The following PARD3B variants were observed in gnomAD, a reference collection of about 807,000 sequenced individuals.
PARD3B encodes partitioning defective 3 homolog B.
In PARD3B, 103 loss-of-function variants were observed where a neutral mutation model predicts 130.2. The ratio of observed to expected loss-of-function variants is 0.79; its 90% CI spans 0.67 to 0.93. The LOEUF is 0.93. Ranked by LOEUF, PARD3B falls within the 40% of genes least tolerant of loss-of-function variation. The pLI, the probability that PARD3B is intolerant of heterozygous loss-of-function variation, is 0.00. For synonymous variants in PARD3B, 583 were observed against 553.2 expected (o/e 1.05, Z -0.76); for missense variants, 1,609 against 1,499.2 (o/e 1.07, Z -1.21).
chr2:205,123,266 C>G (rs978553795), intron 8 of PARD3B, among the ~76,000 whole-genome samples: 29 of 152,090 alleles, frequency 1.9e-4, no homozygotes, highest in Admixed American at 6.5e-5. Flanking sequence ...GTTTTTCAGC[C>G]AGAGCAAGTT....
At chr2:204,956,031 A>G (rs1370362166) in intron 2 of PARD3B, among the ~76,000 whole-genome samples, 1 of 152,148 alleles carries the variant, frequency 6.6e-6, no homozygotes, top group Non-Finnish European at 1.5e-5. Flanking sequence ...CACTTTGGCA[A>G]TAGTGTTATG....
At chr2:204,588,723 G>A (rs377368736) in intron 1 of PARD3B, among the ~76,000 whole-genome samples, 46 of 152,240 alleles carry the variant, frequency 3.0e-4, no homozygotes, top group East Asian at 9.6e-4. Context: ...TCAGAAAAAT[G>A]TATTCCCCAC....
rs2054129932 is a variant in PARD3B at position 205,584,681 on chromosome 2, A to G, written c.3261-30775A>G. 6.6e-6 allele frequency among the ~76,000 whole-genome samples: 1 copy of G among 152,108 alleles called. No individual in the cohort carries two copies. Among genetic ancestry groups the G allele is most frequent in the Non-Finnish European group, 1.5e-5 (1 of 68,008 alleles). The stretch of plus-strand genomic sequence containing the variant: ...CAACAGAGCAAAACTCCATCTCAAA[A>G]ATAAATAAATAAAAATAAATAAATA... On this transcript the variant is annotated intron_variant, in intron 22 of 22. Coordinates refer to ENST00000406610, the MANE Select transcript of PARD3B (RefSeq NM_001302769.2). This position sits in a 1 kb window ranked among gnomAD's most constrained non-coding sequence, Gnocchi z 5.5.
chr2:205,584,759 T>C lies in PARD3B; in HGVS notation c.3261-30697T>C, dbSNP rs1041613695. Among the ~76,000 whole-genome samples, 6 of 152,186 alleles carry C rather than the reference T, an allele frequency of 3.9e-5. No individual in the cohort carries two copies. Among genetic ancestry groups the C allele is most frequent in the African/African-American group, 1.4e-4 (6 of 41,450 alleles). Reference sequence around the variant, plus strand: ...CTCCTGGGGCAGCAATGCTGTAGACTGTCAAAGAGGCTCCATCTATAAATG... The same window carrying C: ...CTCCTGGGGCAGCAATGCTGTAGACCGTCAAAGAGGCTCCATCTATAAATG... On this transcript the variant is annotated intron_variant, in intron 22 of 22. Transcript: ENST00000406610. This position sits in a 1 kb window ranked among gnomAD's most constrained non-coding sequence, Gnocchi z 5.5.
intron 16 of PARD3B, among the ~76,000 whole-genome samples, chr2:205,277,150 T>C (rs920041558): frequency 6.6e-5 from 10 of 152,222 alleles, no homozygotes; most frequent in Non-Finnish European, 4.4e-5. Flanking sequence ...GTATTCACTC[T>C]GCTGGCCGTT....
rs796567936 is a variant in PARD3B at position 205,550,955 on chromosome 2, G to GTGTGTGTATA, written c.3181-2368_3181-2367insGTGTGTATAT. Among the ~76,000 whole-genome samples, 8,074 of 91,624 alleles carry GTGTGTGTATA rather than the reference G, an allele frequency of 0.088. 389 individuals are homozygous for GTGTGTGTATA. Among genetic ancestry groups the GTGTGTGTATA allele is most frequent in the Middle Eastern group, 0.13 (19 of 142 alleles). The allele number at this position is 91,624 out of a possible 152,430, so 60.1% of individuals were successfully genotyped here. A position where few individuals can be genotyped will look rare whatever the true frequency, so the allele number is the denominator to read the frequency against. ...TGTGTGTGTGTGTATATATATATGT[G>GTGTGTGTATA]TATATATATATATATATATATACAC... On this transcript the variant is annotated intron_variant, in intron 21 of 22. Coordinates refer to ENST00000406610, the MANE Select transcript of PARD3B (RefSeq NM_001302769.2). The surrounding 1 kb of genome is among the most constrained non-coding windows in gnomAD (Gnocchi z 4.5).
chr2:205,189,115 T>C (rs11891270), intron 14 of PARD3B, among the ~76,000 whole-genome samples: 612 of 152,268 alleles, frequency 4.0e-3, no homozygotes, highest in African/African-American at 0.014. Flanking sequence ...TTAGACAACA[T>C]TGGGCTATTC....
rs529992975 is a variant in PARD3B, at chr2:204,753,024, A to G, written c.222+66742A>G. 2.9e-3 allele frequency among the ~76,000 whole-genome samples: 448 copies of G among 152,314 alleles called. 1 individual carries two copies. The highest frequency in any genetic ancestry group is 9.5e-3 in the African/African-American group (397 of 41,588). On this transcript the variant is annotated intron_variant, in intron 2 of 22. Transcript: ENST00000406610. ...AATGACATCTTTTCAAAATTCTTTT[A>G]AATTTTGGGTAAGTTTAGGTAACGC...
At chr2:204,752,282 T>G (rs7574019) in intron 2 of PARD3B, among the ~76,000 whole-genome samples, 5,181 of 152,202 alleles carry the variant, frequency 0.034, 214 homozygotes, top group African/African-American at 0.1. Flanking sequence ...ATTTTCTCAT[T>G]TATAAATTGA....
At position 204,689,094 on chromosome 2, in the gene PARD3B, G is replaced by A. The variant is rs1365326865; in HGVS notation, c.222+2812G>A. 1.3e-5 allele frequency among the ~76,000 whole-genome samples: 2 copies of A among 152,136 alleles called. No homozygotes were observed. Among genetic ancestry groups the A allele is most frequent in the African/African-American group, 2.4e-5 (1 of 41,434 alleles). Reference sequence around the variant, plus strand: ...TGGTAACACCATCCCATACACTTCAGTAAAGGTAGAAACTAGAGGTTAAAT... The same window carrying A: ...TGGTAACACCATCCCATACACTTCAATAAAGGTAGAAACTAGAGGTTAAAT... On this transcript the variant is annotated intron_variant, in intron 2 of 22. Transcript: ENST00000406610. This position sits in a 1 kb window ranked among gnomAD's most constrained non-coding sequence, Gnocchi z 5.2.
intron 18 of PARD3B, among the ~76,000 whole-genome samples, chr2:205,356,736 C>T (rs2044206139): frequency 6.6e-6 from 1 of 151,792 alleles, no homozygotes; most frequent in African/African-American, 2.4e-5. Context: ...ACTAAAAATA[C>T]AAAAATTAGT....
rs765805022 is a variant in PARD3B, at chr2:205,128,180, A to G, written c.1434+2443A>G. ...GGTCCTGGAAGAAATAAAACCCTGC[A>G]TAAAAACAGAAATATTTCAGGCAGC... On this transcript the variant is annotated intron_variant, in intron 10 of 22. Transcript: ENST00000406610. This position sits in a 1 kb window ranked among gnomAD's most constrained non-coding sequence, Gnocchi z 4.5. Among the ~76,000 whole-genome samples the G allele has an allele frequency of 1.3e-5, 2 of 152,242 alleles. No individual in the cohort carries two copies. The highest frequency in any genetic ancestry group is 2.9e-5 in the Non-Finnish European group (2 of 68,048).
intron 1 of PARD3B, among the ~76,000 whole-genome samples, chr2:204,631,132 G>A (rs776749497): frequency 4.6e-5 from 7 of 152,044 alleles, no homozygotes; most frequent in East Asian, 3.9e-4. Context: ...GCTGAATCCC[G>A]GAGATTCTGG....
At chr2:205,227,066 T>C (rs1388461118) in intron 15 of PARD3B, among the ~76,000 whole-genome samples, 1 of 152,152 alleles carries the variant, frequency 6.6e-6, no homozygotes, top group Non-Finnish European at 1.5e-5. Flanking sequence ...GGTTTTTTTT[T>C]TGCATATTTT....
chr2:205,312,461 G>A (rs147144316), intron 18 of PARD3B, among the ~76,000 whole-genome samples: 6 of 152,230 alleles, frequency 3.9e-5, no homozygotes, highest in African/African-American at 7.2e-5. Flanking sequence ...AGGGTAAGAC[G>A]GCTGCATACA....
At chr2:204,599,103 T>C (rs767548015) in intron 1 of PARD3B, among the ~76,000 whole-genome samples, 1 of 151,918 alleles carries the variant, frequency 6.6e-6, no homozygotes, top group African/African-American at 2.4e-5. Context: ...ACCCTGGTGA[T>C]CTTTCGATAC....
At chr2:204,586,279 G>A (rs186756757) in intron 1 of PARD3B, among the ~76,000 whole-genome samples, 1 of 152,328 alleles carries the variant, frequency 6.6e-6, no homozygotes, top group African/African-American at 2.4e-5. Context: ...GATATTGAAA[G>A]TGTAGACGGT....
chr2:205,403,786 C>T (rs951827121), intron 19 of PARD3B, among the ~76,000 whole-genome samples: 6 of 152,286 alleles, frequency 3.9e-5, no homozygotes, highest in Admixed American at 1.3e-4. Context: ...TAACATAAAA[C>T]TATTCTTATT....
chr2:205,483,422 G>C (rs1376022836), intron 20 of PARD3B, among the ~76,000 whole-genome samples: 1 of 152,180 alleles, frequency 6.6e-6, no homozygotes, highest in Non-Finnish European at 1.5e-5. Context: ...ACAGACTTCA[G>C]AGCTTTAGAA....
Sources: allele counts gnomAD v4.1 joint callset (sites outside exome capture counted in the v4.1 genomes callset), GRCh38; gene constraint gnomAD v4.1.1; non-coding constraint Gnocchi (gnomAD v3.1); transcripts MANE v1.5; gene names NCBI Gene and HGNC (gene_info 2026-07-23, HGNC 2026-07-21).